Variants in ATP8A1 observed in about 807,000 individuals in gnomAD.
ATP8A1 encodes the protein phospholipid-transporting ATPase IA.
Under a neutral mutation model 177.7 loss-of-function variants are expected in ATP8A1, and 90 were observed. That is an observed-to-expected ratio of 0.51 (90% CI 0.43 to 0.60). The LOEUF (loss-of-function observed/expected upper bound fraction) is 0.60, where lower values mean the gene tolerates loss of function less well. ATP8A1 is among the 20% of genes least tolerant of loss of function. ATP8A1 has a pLI of 0.00. For synonymous variants in ATP8A1, 493 were observed against 485.9 expected, an observed-to-expected ratio of 1.01 and a Z score of -0.19; for missense variants, 1,072 against 1,392.8, an observed-to-expected ratio of 0.77 and a Z score of 3.67.
intron 27 of ATP8A1, among the ~76,000 whole-genome samples, chr4:42,463,013 C>T (rs536683308): frequency 6.6e-6 from 1 of 152,288 alleles, no homozygotes; most frequent in African/African-American, 2.4e-5. Flanking sequence ...GCTTGTACAT[C>T]CATTGGATCT....
At chr4:42,562,568 T>A (rs1376709840) in intron 15 of ATP8A1, 2 of 152,224 alleles carry the variant, frequency 1.3e-5, no homozygotes, top group African/African-American at 4.8e-5. Context: ...TTGAATTCAA[T>A]AATAATATTT....
chr4:42,492,067 T>C (rs1003224644), intron 24 of ATP8A1, among the ~76,000 whole-genome samples: 2 of 152,180 alleles, frequency 1.3e-5, no homozygotes, highest in Non-Finnish European at 2.9e-5. Context: ...CTTCAGTAAA[T>C]AACATGTGCT....
intron 33 of ATP8A1, among the ~76,000 whole-genome samples, chr4:42,435,461 A>AAAAAAAAAAAAACAAC (rs1553871738): frequency 4.1e-5 from 5 of 122,388 alleles, no homozygotes; most frequent in East Asian, 2.5e-4. Flanking sequence ...AAAAAAAAAA[A>AAAAAAAAAAAAACAAC]AACAAACTAT....
chr4:42,410,478 A>G lies in ATP8A1; in HGVS notation c.*2438T>C, dbSNP rs1051759325. The G allele has an allele frequency of 2.0e-5, 3 of 152,172 alleles. No individual in the cohort carries two copies. The highest frequency in any genetic ancestry group is 4.4e-5 in the Non-Finnish European group (3 of 68,022). 9.4% of individuals were successfully genotyped at this position (152,172 alleles called of 1,614,324 possible). ...AAACCATGTGACTTTTTTCCAGTTAAGGAAGGTTTAAAAAATCAGACTATT... is the reference window on the plus strand; with the variant it reads ...AAACCATGTGACTTTTTTCCAGTTAGGGAAGGTTTAAAAAATCAGACTATT... On this transcript the variant is annotated 3_prime_UTR_variant, in exon 37 of 37. Coordinates refer to ENST00000381668, the MANE Select transcript of ATP8A1 (RefSeq NM_006095.2).
chr4:42,513,304 G>A (rs866307852), intron 22 of ATP8A1, among the ~76,000 whole-genome samples: 8 of 152,136 alleles, frequency 5.3e-5, no homozygotes, highest in Non-Finnish European at 8.8e-5. Flanking sequence ...GTGCTCCCCT[G>A]GAAGAATCAC....
chr4:42,548,050 G>A (rs1729104687), intron 19 of ATP8A1, among the ~76,000 whole-genome samples: 1 of 152,172 alleles, frequency 6.6e-6, no homozygotes, highest in African/African-American at 2.4e-5. Context: ...TCACGTGGGA[G>A]TAAGAGGCTG....
intron 20 of ATP8A1, among the ~76,000 whole-genome samples, chr4:42,530,736 GC>G (rs1306942139): frequency 1.3e-5 from 2 of 152,206 alleles, no homozygotes; most frequent in Admixed American, 1.3e-4. Context: ...ACTTTGCAGG[GC>G]CGGAGCAAAG....
chr4:42,551,578 A>T (rs1729508902), intron 17 of ATP8A1, among the ~76,000 whole-genome samples: 1 of 152,172 alleles, frequency 6.6e-6, no homozygotes, highest in Non-Finnish European at 1.5e-5. Flanking sequence ...CATCCAGTGT[A>T]TTTGCTAGAA....
chr4:42,446,628 AT>A lies in ATP8A1; in HGVS notation c.2912del (p.Asn971MetfsTer19). 6.2e-7 allele frequency: 1 copy of A among 1,613,994 alleles called. No individual in the cohort carries two copies. On this transcript the variant is annotated frameshift_variant, in exon 31 of 37. Coordinates refer to ENST00000381668, the MANE Select transcript of ATP8A1 (RefSeq NM_006095.2). LOFTEE classifies it high-confidence loss of function. ...GTAGCAGATAATCCGAGGTTTTCCC[AT>A]TTCCAAATGCAGTACCTGTACGAAA... is the stretch of plus-strand genomic sequence containing the variant. ...KALQYGTAFG[N>X]GKTSDYLLLG... is the part of the protein sequence containing the mutation.
intron 15 of ATP8A1, chr4:42,561,374 T>C (rs1730812963): frequency 6.6e-6 from 1 of 152,168 alleles, no homozygotes. Flanking sequence ...GACATGCCAA[T>C]GGCTCAAAGG....
chr4:42,493,385 A>G (rs1288705669), intron 24 of ATP8A1, among the ~76,000 whole-genome samples: 2 of 152,240 alleles, frequency 1.3e-5, no homozygotes, highest in Admixed American at 6.5e-5. Flanking sequence ...ATGAATGATA[A>G]AAGTTAAACA....
At chr4:42,531,324 TTGC>T (rs1266720007) in intron 20 of ATP8A1, among the ~76,000 whole-genome samples, 6 of 152,196 alleles carry the variant, frequency 3.9e-5, no homozygotes, top group Admixed American at 2.0e-4. Flanking sequence ...GCTGAGGTGC[TTGC>T]TGAAGGCAAA....
intron 24 of ATP8A1, among the ~76,000 whole-genome samples, chr4:42,493,686 G>A (rs555219495): frequency 2.6e-5 from 4 of 152,124 alleles, no homozygotes; most frequent in East Asian, 1.9e-4. Flanking sequence ...GCTCTGCCGC[G>A]TACTGGCTGT....
intron 33 of ATP8A1, among the ~76,000 whole-genome samples, chr4:42,435,244 G>A (rs993097164): frequency 2.0e-5 from 3 of 151,458 alleles, no homozygotes; most frequent in African/African-American, 4.9e-5. Context: ...TGGCCAACAC[G>A]GCAAAAACCC....
At chr4:42,529,583 C>T (rs988455284) in intron 20 of ATP8A1, among the ~76,000 whole-genome samples, 1 of 152,192 alleles carries the variant, frequency 6.6e-6, no homozygotes, top group African/African-American at 2.4e-5. Context: ...CCATGGTCTC[C>T]ACTCCTACCA....
intron 18 of ATP8A1, among the ~76,000 whole-genome samples, 155 bp downstream of exon 18, chr4:42,551,043 T>C (rs1386354943): frequency 1.3e-5 from 2 of 152,186 alleles, no homozygotes; most frequent in African/African-American, 4.8e-5. Context: ...ATGAGATGTA[T>C]AAATGCCTAA....
At chr4:42,465,889 G>A (rs967898121) in intron 25 of ATP8A1, among the ~76,000 whole-genome samples, 9 of 151,948 alleles carry the variant, frequency 5.9e-5, no homozygotes, top group African/African-American at 1.5e-4. Context: ...AAAATTAGCC[G>A]GGCGTGGTGG....
At chr4:42,478,055 A>G (rs1721267340) in intron 25 of ATP8A1, among the ~76,000 whole-genome samples, 1 of 152,144 alleles carries the variant, frequency 6.6e-6, no homozygotes, top group Admixed American at 6.5e-5. Context: ...AACATGTAGA[A>G]AAATAAAGGT....
intron 1 of ATP8A1, among the ~76,000 whole-genome samples, chr4:42,640,142 G>GT (rs1302220013): frequency 6.6e-6 from 1 of 151,940 alleles, no homozygotes; most frequent in Non-Finnish European, 1.5e-5. Flanking sequence ...ATAAACCACT[G>GT]TTTTTTAAAA....
Sources: allele counts gnomAD v4.1 joint callset (sites outside exome capture counted in the v4.1 genomes callset), GRCh38; gene constraint gnomAD v4.1.1; transcripts MANE v1.5; gene names NCBI Gene and HGNC (gene_info 2026-07-23, HGNC 2026-07-21).